The following NRXN1 variants were observed in gnomAD, a reference collection of about 807,000 sequenced individuals.
NRXN1 encodes neurexin-1.
A neutral mutation model predicts 150.9 loss-of-function variants in NRXN1; 39 were observed. That is an observed-to-expected ratio of 0.26 (90% CI 0.20 to 0.34). The LOEUF (loss-of-function observed/expected upper bound fraction) is 0.34. Ranked by LOEUF, NRXN1 falls within the 10% of genes least tolerant of loss-of-function variation. NRXN1 has a pLI of 1.00. For missense variants in NRXN1, 1,815 were observed against 1,949.9 expected, an observed-to-expected ratio of 0.93 and a Z score of 1.30; for synonymous variants, 924 against 757.0, an observed-to-expected ratio of 1.22 and a Z score of -3.62.
chr2:49,927,346 T>A (rs1669282392), intron 22 of NRXN1, among the ~76,000 whole-genome samples: 1 of 152,236 alleles, frequency 6.6e-6, no homozygotes, highest in Admixed American at 6.5e-5. Context: ...ACTTTTGTGA[T>A]GCATCTGGTG....
chr2:49,987,802 T>C (rs576184148), intron 21 of NRXN1, among the ~76,000 whole-genome samples: 7 of 151,862 alleles, frequency 4.6e-5, no homozygotes, highest in African/African-American at 1.7e-4. Context: ...GAAAAGAAAC[T>C]AGAATTCTAG....
chr2:50,599,420 C>A (rs1479194760), intron 8 of NRXN1, among the ~76,000 whole-genome samples: 1 of 152,128 alleles, frequency 6.6e-6, no homozygotes, highest in African/African-American at 2.4e-5. Flanking sequence ...TCTGACTTCT[C>A]GGTTCAATGC....
chr2:50,816,722 G>A (rs1376408280), intron 5 of NRXN1, among the ~76,000 whole-genome samples: 1 of 152,078 alleles, frequency 6.6e-6, no homozygotes, highest in Non-Finnish European at 1.5e-5. Context: ...TTCTGGCCCT[G>A]ATGCAGTTAA....
At chr2:50,727,239 C>T (rs1574260309) in intron 5 of NRXN1, among the ~76,000 whole-genome samples, 1 of 152,130 alleles carries the variant, frequency 6.6e-6, no homozygotes, top group Admixed American at 6.5e-5. Flanking sequence ...AGCAAAACTG[C>T]TACTTATGAA....
At position 50,236,772 on chromosome 2, in the gene NRXN1, A is replaced by T. The variant is rs766378097; in HGVS notation, c.3546+17T>A. The T allele has an allele frequency of 1.2e-6, 2 of 1,610,218 alleles. No individual in the cohort carries two copies. ...CAGTAAAAAGTAAAAGCTGAATCTT[A>T]TGCAAAAAGTACTTACTATATGCAG... On this transcript the variant is annotated intron_variant, in intron 18 of 22. Coordinates refer to ENST00000401669, the MANE Select transcript of NRXN1 (RefSeq NM_001330078.2).
intron 2 of NRXN1, among the ~76,000 whole-genome samples, chr2:51,004,735 T>G (rs1000043669): frequency 5.3e-5 from 8 of 151,964 alleles, no homozygotes; most frequent in African/African-American, 1.9e-4. Flanking sequence ...ATAAATGTTA[T>G]GCAAATGTAT....
At chr2:50,571,313 C>T (rs890690759) in intron 8 of NRXN1, among the ~76,000 whole-genome samples, 2 of 152,168 alleles carry the variant, frequency 1.3e-5, no homozygotes, top group African/African-American at 4.8e-5. Flanking sequence ...AGAAGAAACT[C>T]AGTAAGTCAC....
chr2:50,871,860 A>T (rs1413708859), intron 5 of NRXN1, among the ~76,000 whole-genome samples: 1 of 151,880 alleles, frequency 6.6e-6, no homozygotes, highest in Non-Finnish European at 1.5e-5. Flanking sequence ...TACATTCCAC[A>T]TATTAAAATT....
chr2:50,569,525 AAT>A (rs1414533089), intron 8 of NRXN1, among the ~76,000 whole-genome samples: 1 of 152,254 alleles, frequency 6.6e-6, no homozygotes, highest in African/African-American at 2.4e-5. Context: ...TATTATATGT[AAT>A]ATAAACACAT....
intron 13 of NRXN1, among the ~76,000 whole-genome samples, chr2:50,498,567 G>C (rs2091772882): frequency 6.6e-6 from 1 of 152,102 alleles, no homozygotes; most frequent in African/African-American, 2.4e-5. Context: ...ATTCCACTCA[G>C]TCCTCATTTC....
At chr2:50,981,966 TAGAGAA>T (rs1558530589) in intron 2 of NRXN1, among the ~76,000 whole-genome samples, 3 of 151,606 alleles carry the variant, frequency 2.0e-5, no homozygotes, top group South Asian at 2.1e-4. Context: ...GAGAGAGAGA[TAGAGAA>T]AGAGGAGCTC....
intron 18 of NRXN1, among the ~76,000 whole-genome samples, chr2:50,117,649 C>T (rs1454415126): frequency 6.6e-6 from 1 of 151,874 alleles, no homozygotes; most frequent in Non-Finnish European, 1.5e-5. Context: ...CAAAAAAGAA[C>T]AATCTTCTTT....
intron 21 of NRXN1, among the ~76,000 whole-genome samples, chr2:50,006,262 T>G (rs554159759): frequency 2.0e-5 from 3 of 152,156 alleles, no homozygotes; most frequent in Non-Finnish European, 2.9e-5. Flanking sequence ...TACCTCCTTC[T>G]TGAACTACCG....
At chr2:50,982,752 T>C (rs1697033182) in intron 2 of NRXN1, among the ~76,000 whole-genome samples, 4 of 152,106 alleles carry the variant, frequency 2.6e-5, no homozygotes, top group Admixed American at 2.6e-4. Flanking sequence ...TCTCAATAGT[T>C]TGCATGTCTA....
chr2:50,354,702 T>C (rs1167131135), intron 17 of NRXN1, among the ~76,000 whole-genome samples: 1 of 151,636 alleles, frequency 6.6e-6, no homozygotes, highest in African/African-American at 2.4e-5. Context: ...ATATAATTCC[T>C]AATACTGGTC....
chr2:50,219,988 TATATAATATATATTATATA>T (rs201204268), intron 18 of NRXN1, among the ~76,000 whole-genome samples: 40,211 of 100,228 alleles, frequency 0.4, 8,682 homozygotes, highest in Middle Eastern at 0.45. Context: ...ATATATATTA[TATATAATATATATTATATA>T]ATATATTATA....
intron 5 of NRXN1, among the ~76,000 whole-genome samples, chr2:50,822,349 A>G (rs1170225542): frequency 2.0e-5 from 3 of 152,200 alleles, no homozygotes; most frequent in Non-Finnish European, 4.4e-5. Context: ...GAGAAAATGG[A>G]TAATAATGTT....
chr2:50,778,527 G>A (rs1372241918), intron 5 of NRXN1, among the ~76,000 whole-genome samples: 2 of 152,174 alleles, frequency 1.3e-5, no homozygotes, highest in Non-Finnish European at 2.9e-5. Flanking sequence ...GAGACAAGAG[G>A]TAGTAAGAAG....
intron 21 of NRXN1, among the ~76,000 whole-genome samples, chr2:50,021,669 G>A (rs1415052536): frequency 6.6e-6 from 1 of 152,098 alleles, no homozygotes; most frequent in African/African-American, 2.4e-5. Flanking sequence ...CTTTCTAGAC[G>A]TTAGAATTTC....
Sources: gnomAD v4.1 joint callset for allele counts (sites outside exome capture counted in the v4.1 genomes callset) on GRCh38, gnomAD v4.1.1 for gene constraint, MANE v1.5 for transcripts, NCBI Gene and HGNC (gene_info 2026-07-23, HGNC 2026-07-21) for gene names.